SMIM17: variants seen among roughly 807,000 people sequenced by gnomAD.
SMIM17 encodes the protein small integral membrane protein 17.
In SMIM17, 10 loss-of-function variants were observed where a neutral mutation model predicts 12.2. The ratio of observed to expected loss-of-function variants is 0.82; its 90% CI spans 0.50 to 1.39. The LOEUF is 1.39. Ranked by LOEUF, SMIM17 falls within the 40% of genes most tolerant of loss-of-function variation. The probability of loss-of-function intolerance (pLI) is 0.00; values close to 1 mark genes in which losing one functional copy is unlikely to be tolerated. For synonymous variants in SMIM17, 50 were observed against 44.1 expected, an observed-to-expected ratio of 1.13 and a Z score of -0.53; for missense variants, 136 against 118.2, an observed-to-expected ratio of 1.15 and a Z score of -0.70.
chr19:56,653,253 G>A (rs919059113), intron 3 of SMIM17, among the ~76,000 whole-genome samples: 1 of 152,052 alleles, frequency 6.6e-6, no homozygotes, highest in Non-Finnish European at 1.5e-5. Flanking sequence ...GCTTGTTGTT[G>A]AATTTTATCT....
intron 3 of SMIM17, among the ~76,000 whole-genome samples, chr19:56,654,835 C>CAT (rs1273770543): frequency 6.6e-6 from 1 of 152,116 alleles, no homozygotes. Context: ...GTCATTAGAG[C>CAT]ATAGATGGTA....
Position 56,655,924 on chromosome 19 carries a change from C to A in SMIM17, c.*711C>A, listed in dbSNP as rs549020562. On this transcript the variant is annotated 3_prime_UTR_variant, in exon 4 of 4. Coordinates refer to ENST00000598409, the MANE Select transcript of SMIM17 (RefSeq NM_001193628.2). ...GTTTATTAATACTTTTTACCTCTTG[C>A]ATTTATTTTGGCGAATTACAGAGGT... 6.7e-6 allele frequency among the ~76,000 whole-genome samples: 1 copy of A among 150,248 alleles called. No homozygotes were observed. Among genetic ancestry groups the A allele is most frequent in the South Asian group, 2.1e-4 (1 of 4,754 alleles).
intron 3 of SMIM17, 63 bp downstream of exon 3, chr19:56,647,697 C>A: frequency 7.3e-7 from 1 of 1,377,734 alleles, no homozygotes; most frequent in South Asian, 1.3e-5. Context: ...AGCACTTTGT[C>A]ACATTTGCAT....
At chr19:56,647,322 C>T (rs562796697) in intron 2 of SMIM17, among the ~76,000 whole-genome samples, 1 of 152,052 alleles carries the variant, frequency 6.6e-6, no homozygotes, top group African/African-American at 2.4e-5. Context: ...TTCATTCTCT[C>T]AGCCCCATCT....
chr19:56,655,120 A>C lies in SMIM17; in HGVS notation c.264A>C (p.Ser88=). 2.9e-6 allele frequency: 2 copies of C among 699,690 alleles called. No individual in the cohort carries two copies. Among genetic ancestry groups the C allele is most frequent in the East Asian group, 2.7e-5 (1 of 37,228 alleles). 43.3% of individuals were successfully genotyped at this position (699,690 alleles called of 1,614,324 possible). ...SEGSQGFVEW[S]KAPQQTTIVL... is the part of the protein sequence containing the mutation. ...TGTTTCAGGGCTTTGTGGAGTGGTC[A>C]AAAGCTCCACAACAAACAACCATAG... Residue 88 remains serine, a synonymous_variant, in exon 4 of 4, where the codon TCA becomes TCC. Coordinates refer to ENST00000598409, the MANE Select transcript of SMIM17 (RefSeq NM_001193628.2).
At chr19:56,645,531 T>A in intron 1 of SMIM17, 37 bp from the exon 2 acceptor site, 1 of 795,812 alleles carries the variant, frequency 1.3e-6, no homozygotes, top group Non-Finnish European at 1.8e-6. Context: ...CTGCTGGCCC[T>A]CTGTAATGAT....
At chr19:56,648,188 A>T (rs1213033971) in intron 3 of SMIM17, among the ~76,000 whole-genome samples, 1 of 129,300 alleles carries the variant, frequency 7.7e-6, no homozygotes, top group Non-Finnish European at 1.6e-5. Context: ...CCATGCATCA[A>T]CCCATCCCTA....
rs952638767 is a variant in SMIM17 at position 56,656,466 on chromosome 19, A to G, written c.*1253A>G. On this transcript the variant is annotated 3_prime_UTR_variant, in exon 4 of 4. Transcript: ENST00000598409. ...AGAACCAACATTAGGATTCATTTAT[A>G]TCCATTATTTCTTTTATTTGTAATT... 1.3e-5 allele frequency among the ~76,000 whole-genome samples: 2 copies of G among 152,078 alleles called. No individual in the cohort carries two copies. The highest frequency in any genetic ancestry group is 2.9e-5 in the Non-Finnish European group (2 of 68,016).
At chr19:56,651,662 C>A (rs1281672552) in intron 3 of SMIM17, among the ~76,000 whole-genome samples, 1 of 151,990 alleles carries the variant, frequency 6.6e-6, no homozygotes, top group Non-Finnish European at 1.5e-5. Context: ...GTAGTGGTTA[C>A]CTTTGAGGTG....
intron 1 of SMIM17, among the ~76,000 whole-genome samples, chr19:56,644,469 T>A (rs1245165489): frequency 6.6e-6 from 1 of 152,226 alleles, no homozygotes; most frequent in Non-Finnish European, 1.5e-5. Flanking sequence ...ATTATTGACA[T>A]CATGAAATGT....
Position 56,646,390 on chromosome 19 carries a change from T to A in SMIM17, c.169+554T>A, listed in dbSNP as rs2045063297. ...TGGATTTCAACTGGGCGTGGTCTTATACCCCACTTCTCCTCCCCGGACGAT... is the reference window on the plus strand; with the variant it reads ...TGGATTTCAACTGGGCGTGGTCTTAAACCCCACTTCTCCTCCCCGGACGAT... On this transcript the variant is annotated intron_variant, in intron 2 of 3. Transcript: ENST00000598409. Among the ~76,000 whole-genome samples, 3 of 152,328 alleles carry A rather than the reference T, an allele frequency of 2.0e-5. No individual in the cohort carries two copies. The South Asian group carries it at 6.2e-4, about 32-fold the overall frequency.
chr19:56,655,299 C>G lies in SMIM17; in HGVS notation c.*86C>G. The G allele has an allele frequency of 1.7e-6, 1 of 595,098 alleles. No individual in the cohort carries two copies. Among genetic ancestry groups the G allele is most frequent in the South Asian group, 2.1e-5 (1 of 47,218 alleles). 36.9% of individuals were successfully genotyped at this position (595,098 alleles called of 1,614,324 possible). ...TTAAGGAATTGTGCTAGTTAAAAAT[C>G]AGGAATAGGTGTTGAATATTTTCAA... On this transcript the variant is annotated 3_prime_UTR_variant, in exon 4 of 4. Transcript: ENST00000598409.
At chr19:56,649,410 C>T (rs1469394177) in intron 3 of SMIM17, among the ~76,000 whole-genome samples, 1 of 151,990 alleles carries the variant, frequency 6.6e-6, no homozygotes, top group African/African-American at 2.4e-5. Context: ...ATGGAGCTCA[C>T]AGTCACCGAG....
chr19:56,649,149 T>G (rs1365418395), intron 3 of SMIM17, among the ~76,000 whole-genome samples: 1 of 151,750 alleles, frequency 6.6e-6, no homozygotes, highest in Non-Finnish European at 1.5e-5. Flanking sequence ...ACACCTGGAG[T>G]TTTCGGGATA....
chr19:56,652,216 T>G (rs1440773984), intron 3 of SMIM17, among the ~76,000 whole-genome samples: 1 of 151,706 alleles, frequency 6.6e-6, no homozygotes, highest in Middle Eastern at 3.2e-3. Flanking sequence ...CAGTGCTTGA[T>G]TGAGGGTTGT....
chr19:56,649,816 C>T (rs1418913308), intron 3 of SMIM17, among the ~76,000 whole-genome samples: 1 of 151,912 alleles, frequency 6.6e-6, no homozygotes, highest in Middle Eastern at 3.2e-3. Flanking sequence ...TCTCATGGGC[C>T]ATGGTGAAAT....
chr19:56,648,851 AT>A (rs747500784), intron 3 of SMIM17, among the ~76,000 whole-genome samples: 3 of 152,232 alleles, frequency 2.0e-5, no homozygotes, highest in Non-Finnish European at 4.4e-5. Flanking sequence ...TGGTTCTTTC[AT>A]TTATACATTC....
intron 3 of SMIM17, among the ~76,000 whole-genome samples, chr19:56,654,572 TG>T (rs1416482772): frequency 5.9e-5 from 9 of 152,160 alleles, no homozygotes; most frequent in Admixed American, 3.9e-4. Context: ...GTCTTGAATG[TG>T]GGTGGTGTCA....
At position 56,655,338 on chromosome 19, in the gene SMIM17, A is replaced by G. The variant is rs1171936881; in HGVS notation, c.*125A>G. On this transcript the variant is annotated 3_prime_UTR_variant, in exon 4 of 4. Coordinates refer to ENST00000598409, the MANE Select transcript of SMIM17 (RefSeq NM_001193628.2). ...GAATATTTTCAAATGCCTTTCAAAC[A>G]TCCTTTGAGATGATTTTTAAAAAAT... The G allele has an allele frequency of 7.2e-5, 36 of 503,010 alleles. No homozygotes were observed. Among genetic ancestry groups the G allele is most frequent in the East Asian group, 6.0e-4 (20 of 33,600 alleles). The allele number at this position is 503,010 out of a possible 1,614,324, so 31.2% of individuals were successfully genotyped here.
Sources: allele counts gnomAD v4.1 joint callset (sites outside exome capture counted in the v4.1 genomes callset), GRCh38; gene constraint gnomAD v4.1.1; transcripts MANE v1.5; gene names NCBI Gene and HGNC (gene_info 2026-07-23, HGNC 2026-07-21).